The following PHC3 variants were observed in gnomAD, a reference collection of about 807,000 sequenced individuals.
PHC3 encodes polyhomeotic homolog 3.
PHC3 carries 13 observed loss-of-function variants against 107.4 expected under a neutral mutation model. The observed-to-expected ratio is 0.12, with a 90% CI of 0.08 to 0.19. PHC3 has a LOEUF of 0.19. Among genes scored for constraint, PHC3 ranks in the 10% least tolerant of loss-of-function variants. The pLI, the probability that PHC3 is intolerant of heterozygous loss-of-function variation, is 1.00. For missense variants in PHC3, 992 were observed against 1,210.9 expected, an observed-to-expected ratio of 0.82 and a Z score of 2.68; for synonymous variants, 456 against 427.4, an observed-to-expected ratio of 1.07 and a Z score of -0.83.
chr3:170,090,141 G>A lies in PHC3; in HGVS notation c.*7089C>T, dbSNP rs1220362770. ...CTCCTAAATTTTGTAACTTAATCAG[G>A]TATGGGGCCAACTGATGTTTAGTAT... On this transcript the variant is annotated 3_prime_UTR_variant, in exon 15 of 15. Transcript: ENST00000495893. The A allele has an allele frequency of 2.6e-5, 4 of 151,996 alleles. No individual in the cohort carries two copies. The highest frequency in any genetic ancestry group is 9.7e-5 in the African/African-American group (4 of 41,384). 9.4% of individuals were successfully genotyped at this position (151,996 alleles called of 1,614,324 possible). A position where few individuals can be genotyped will look rare whatever the true frequency, so the allele number is the denominator to read the frequency against.
At chr3:170,180,222 G>C (rs533887805) in intron 1 of PHC3, among the ~76,000 whole-genome samples, 1 of 151,826 alleles carries the variant, frequency 6.6e-6, no homozygotes, top group East Asian at 1.9e-4. Context: ...TCAGGGGGAG[G>C]ACTGCTTGAG....
At chr3:170,130,980 C>T (rs1173866613) in intron 7 of PHC3, among the ~76,000 whole-genome samples, 1 of 151,198 alleles carries the variant, frequency 6.6e-6, no homozygotes, top group African/African-American at 2.4e-5. Flanking sequence ...TTTTTGTGTT[C>T]AACCACATTT....
intron 10 of PHC3, among the ~76,000 whole-genome samples, chr3:170,115,299 T>C (rs1247168862): frequency 1.3e-5 from 2 of 150,920 alleles, no homozygotes; most frequent in Non-Finnish European, 3.0e-5. Flanking sequence ...AATGAGAAAA[T>C]ACTCAAATTT....
intron 7 of PHC3, among the ~76,000 whole-genome samples, chr3:170,132,160 G>T (rs972702475): frequency 2.6e-5 from 4 of 152,122 alleles, no homozygotes; most frequent in African/African-American, 9.7e-5. Flanking sequence ...TAAATTCAGA[G>T]AATTAATGGC....
rs1251940762 is a variant in PHC3, at chr3:170,088,850, T to C, written c.*8380A>G. On this transcript the variant is annotated 3_prime_UTR_variant, in exon 15 of 15. Coordinates refer to ENST00000495893, the MANE Select transcript of PHC3 (RefSeq NM_024947.4). ...ATATAGATTCTAACCCAACAGTTTA[T>C]ATGGATATTTTCCTGCTTTAAAAAG... 9 of 152,336 alleles carry C rather than the reference T, an allele frequency of 5.9e-5. No individual in the cohort carries two copies. Among genetic ancestry groups the C allele is most frequent in the Non-Finnish European group, 1.2e-4 (8 of 68,030 alleles). The allele number at this position is 152,336 out of a possible 1,614,324, so 9.4% of individuals were successfully genotyped here.
At chr3:170,174,930 C>T (rs930845579) in intron 2 of PHC3, among the ~76,000 whole-genome samples, 2 of 152,094 alleles carry the variant, frequency 1.3e-5, no homozygotes, top group Non-Finnish European at 2.9e-5. Context: ...GGACTGTATA[C>T]GGAAAAAAAT....
chr3:170,097,018 G>A lies in PHC3; in HGVS notation c.*212C>T, dbSNP rs1467133900. 2.4e-6 allele frequency: 1 copy of A among 408,818 alleles called. No individual in the cohort carries two copies. Among genetic ancestry groups the A allele is most frequent in the Non-Finnish European group, 4.2e-6 (1 of 235,632 alleles). The allele number at this position is 408,818 out of a possible 1,614,324, so 25.3% of individuals were successfully genotyped here. On this transcript the variant is annotated 3_prime_UTR_variant, in exon 15 of 15. Coordinates refer to ENST00000495893, the MANE Select transcript of PHC3 (RefSeq NM_024947.4). This position sits in a 1 kb window ranked among gnomAD's most constrained non-coding sequence, Gnocchi z 4.1. ...AGTCTTTCAATGTTTCATGTAACCT[G>A]TAAAATTAATTTTACCAATGTTTAT...
intron 14 of PHC3, among the ~76,000 whole-genome samples, chr3:170,101,002 T>G (rs1016411067): frequency 6.6e-6 from 1 of 152,180 alleles, no homozygotes; most frequent in African/African-American, 2.4e-5. Context: ...GGTATCCACA[T>G]AGACTCCAAA....
intron 5 of PHC3, among the ~76,000 whole-genome samples, chr3:170,146,948 T>C (rs757325819): frequency 9.4e-5 from 14 of 148,762 alleles, no homozygotes; most frequent in Non-Finnish European, 1.6e-4. Flanking sequence ...AATGGCGCGA[T>C]GTCCGCTCAC....
chr3:170,167,998 T>C (rs1015376773), intron 4 of PHC3, among the ~76,000 whole-genome samples: 1 of 151,792 alleles, frequency 6.6e-6, no homozygotes, highest in Admixed American at 6.6e-5. Context: ...TCAACTCTAA[T>C]AAAAATTTTA....
chr3:170,177,029 T>C (rs767688972), intron 2 of PHC3: 17 of 330,006 alleles, frequency 5.2e-5, no homozygotes, highest in Non-Finnish European at 8.7e-5. Flanking sequence ...ATCATAAATG[T>C]TAACTAAGTA....
At chr3:170,175,570 T>C (rs1730295601) in intron 2 of PHC3, among the ~76,000 whole-genome samples, 1 of 144,298 alleles carries the variant, frequency 6.9e-6, no homozygotes, top group Admixed American at 7.0e-5. Flanking sequence ...CAGGGGGTCG[T>C]GAGTTGTGAT....
Position 170,126,526 on chromosome 3 carries a change from A to ATT in PHC3, c.1788+2157_1788+2158insAA, listed in dbSNP as rs1228512093. ...TATGTATATATATATATATATATAT[A>ATT]TATTTTTTTTTTTTTTTCCTTTTTC... On this transcript the variant is annotated intron_variant, in intron 8 of 14. Transcript: ENST00000495893. Among the ~76,000 whole-genome samples the ATT allele has an allele frequency of 6.2e-3, 519 of 84,092 alleles. 3 individuals are homozygous for ATT. The highest frequency in any genetic ancestry group is 0.02 in the South Asian group (52 of 2,560). The allele number at this position is 84,092 out of a possible 152,430, so 55.2% of individuals were successfully genotyped here. A position where few individuals can be genotyped will look rare whatever the true frequency, so the allele number is the denominator to read the frequency against.
chr3:170,137,175 T>C (rs962567705), intron 6 of PHC3, among the ~76,000 whole-genome samples: 3 of 152,206 alleles, frequency 2.0e-5, no homozygotes, highest in Admixed American at 6.5e-5. Flanking sequence ...GTGAAAATTA[T>C]GAAAAGCATT....
In PHC3 at chr3:170,158,575, C is replaced by A. The variant is rs1727282163; in HGVS notation, c.415-9331G>T. On this transcript the variant is annotated intron_variant, in intron 4 of 14. Transcript: ENST00000495893. ...CCAAGACCACACCACTGCACTCAAGCCTAGGCCACAGAGTGAGACTCCATC... is the reference window on the plus strand; with the variant it reads ...CCAAGACCACACCACTGCACTCAAGACTAGGCCACAGAGTGAGACTCCATC... Among the ~76,000 whole-genome samples the A allele has an allele frequency of 2.0e-5, 3 of 151,692 alleles. No homozygotes were observed. The South Asian group carries it at 6.2e-4, about 32-fold the overall frequency.
At chr3:170,174,959 TAAC>T (rs1254463380) in intron 2 of PHC3, among the ~76,000 whole-genome samples, 2 of 152,178 alleles carry the variant, frequency 1.3e-5, no homozygotes, top group African/African-American at 4.8e-5. Context: ...CAAACTGAAA[TAAC>T]AATCTATTTG....
rs1275597370 is a variant in PHC3, at chr3:170,088,188, T to G, written c.*9042A>C. On this transcript the variant is annotated 3_prime_UTR_variant, in exon 15 of 15. Transcript: ENST00000495893. ...AGATAAAAAATGTTTTCTTTCCCCTTGGTGATCTTTGTTCATCCTGGGTGG... is the reference window on the plus strand; with the variant it reads ...AGATAAAAAATGTTTTCTTTCCCCTGGGTGATCTTTGTTCATCCTGGGTGG... The G allele has an allele frequency of 6.6e-6, 1 of 152,178 alleles. No homozygotes were observed. Among genetic ancestry groups the G allele is most frequent in the Non-Finnish European group, 1.5e-5 (1 of 68,024 alleles). 9.4% of individuals were successfully genotyped at this position (152,178 alleles called of 1,614,324 possible).
At chr3:170,112,422 A>C (rs1717999640) in intron 11 of PHC3, among the ~76,000 whole-genome samples, 2 of 149,952 alleles carry the variant, frequency 1.3e-5, no homozygotes, top group South Asian at 2.1e-4. Context: ...ATGGGGTTTC[A>C]CCATGTTGGC....
intron 4 of PHC3, chr3:170,150,858 T>C (rs926591836): frequency 1.1e-4 from 24 of 210,080 alleles, no homozygotes; most frequent in African/African-American, 5.3e-4. Flanking sequence ...AGAAAAAGCA[T>C]ACTCTTTTTT....
Sources: allele counts gnomAD v4.1 joint callset (sites outside exome capture counted in the v4.1 genomes callset), GRCh38; gene constraint gnomAD v4.1.1; non-coding constraint Gnocchi (gnomAD v3.1); transcripts MANE v1.5; gene names NCBI Gene and HGNC (gene_info 2026-07-23, HGNC 2026-07-21).